The following SUGCT variants were observed in gnomAD, a reference collection of about 807,000 sequenced individuals.
SUGCT encodes succinyl-CoA:glutarate-CoA transferase, also known as succinyl-CoA:glutarate CoA-transferase.
SUGCT carries 41 observed loss-of-function variants against 55.0 expected under a neutral mutation model. That is an observed-to-expected ratio of 0.74 (90% CI 0.58 to 0.97). The LOEUF (loss-of-function observed/expected upper bound fraction) is 0.97. Among genes scored for constraint, SUGCT ranks in the 50% least tolerant of loss-of-function variants. SUGCT has a pLI of 0.00. For synonymous variants in SUGCT, 187 were observed against 200.4 expected, an observed-to-expected ratio of 0.93 and a Z score of 0.56; for missense variants, 568 against 547.8, an observed-to-expected ratio of 1.04 and a Z score of -0.37.
At chr7:40,230,820 C>A (rs761540567) in intron 6 of SUGCT, among the ~76,000 whole-genome samples, 1 of 152,086 alleles carries the variant, frequency 6.6e-6, no homozygotes. Context: ...TATTTAAGGA[C>A]CCAGACTTGG....
intron 9 of SUGCT, among the ~76,000 whole-genome samples, chr7:40,349,737 A>T (rs192660810): frequency 6.6e-6 from 1 of 152,304 alleles, no homozygotes; most frequent in East Asian, 1.9e-4. Flanking sequence ...CAGTGGCACG[A>T]TCATGGCTCA....
chr7:40,337,815 C>T (rs986162952), intron 9 of SUGCT, among the ~76,000 whole-genome samples: 5 of 151,892 alleles, frequency 3.3e-5, no homozygotes, highest in Admixed American at 3.3e-4. Flanking sequence ...TTATTTTGCT[C>T]ATTAGTTGAT....
chr7:40,805,896 G>C (rs1184935152), intron 13 of SUGCT, among the ~76,000 whole-genome samples: 1 of 152,176 alleles, frequency 6.6e-6, no homozygotes, highest in Non-Finnish European at 1.5e-5. Context: ...TGTGTATGTG[G>C]AATGCCATCT....
At chr7:40,899,192 C>T in the SUGCT span, among the ~76,000 whole-genome samples, 1 of 152,174 alleles carries the variant, frequency 6.6e-6, no homozygotes, top group South Asian at 2.1e-4. Context: ...AGCTCTTGAC[C>T]TTTCTGAGAA....
intron 9 of SUGCT, among the ~76,000 whole-genome samples, chr7:40,431,626 A>C (rs1562772038): frequency 6.6e-6 from 1 of 151,970 alleles, no homozygotes; most frequent in African/African-American, 2.4e-5. Context: ...GTATTTTATA[A>C]TTTTCAGTGT....
At chr7:40,898,718 T>C in the SUGCT span, among the ~76,000 whole-genome samples, 1 of 151,780 alleles carries the variant, frequency 6.6e-6, no homozygotes, top group African/African-American at 2.4e-5. Context: ...AATGAACACT[T>C]ACCACGAGGG....
At chr7:40,497,941 A>C (rs1332112199) in intron 12 of SUGCT, among the ~76,000 whole-genome samples, 1 of 152,016 alleles carries the variant, frequency 6.6e-6, no homozygotes, top group Non-Finnish European at 1.5e-5. Flanking sequence ...AATCCCACCC[A>C]CTATCTTAAA....
chr7:40,540,948 T>C lies in SUGCT; in HGVS notation c.1089+44562T>C, dbSNP rs565845832. ...ATATGTAACTGTTCTCATCCACTTA[T>C]ACTTCCATTCCTTCCGTTATTTTTG... On this transcript the variant is annotated intron_variant, in intron 12 of 13. Transcript: ENST00000335693. Among the ~76,000 whole-genome samples, 14 of 152,368 alleles carry C rather than the reference T, an allele frequency of 9.2e-5. No individual in the cohort carries two copies. In the East Asian group the frequency reaches 1.9e-3, roughly 21 times the overall value.
chr7:40,283,409 G>A (rs1393306710), intron 8 of SUGCT, among the ~76,000 whole-genome samples: 1 of 151,628 alleles, frequency 6.6e-6, no homozygotes, highest in African/African-American at 2.4e-5. Flanking sequence ...TTGTATTTTT[G>A]GTAGCGACGG....
intron 9 of SUGCT, among the ~76,000 whole-genome samples, chr7:40,398,155 G>A (rs576845945): frequency 1.3e-5 from 2 of 152,224 alleles, no homozygotes; most frequent in African/African-American, 4.8e-5. Flanking sequence ...GCAGTGGCAC[G>A]ATCTCAGCAC....
rs1243008379 is a variant in SUGCT, at chr7:40,661,824, T to G, written c.1090-87610T>G. 2.6e-5 allele frequency among the ~76,000 whole-genome samples: 4 copies of G among 152,184 alleles called. No individual in the cohort carries two copies. In the South Asian group the frequency reaches 6.2e-4, roughly 24 times the overall value. ...TTCTTCTTGGTCTTCTTTGCTGGCT[T>G]CTTTTTCTCTACCATGTTTTACATG... On this transcript the variant is annotated intron_variant, in intron 12 of 13. Transcript: ENST00000335693.
intron 7 of SUGCT, among the ~76,000 whole-genome samples, chr7:40,265,798 A>G (rs1791531282): frequency 6.6e-6 from 1 of 152,186 alleles, no homozygotes; most frequent in South Asian, 2.1e-4. Context: ...TAAAAGTACA[A>G]AAATTAGCAG....
At chr7:40,444,153 G>A (rs1382522637) in intron 9 of SUGCT, among the ~76,000 whole-genome samples, 1 of 152,158 alleles carries the variant, frequency 6.6e-6, no homozygotes, top group African/African-American at 2.4e-5. Context: ...AAGTCAGGTA[G>A]CGTGATGCCT....
At chr7:40,368,272 A>AC (rs76974877) in intron 9 of SUGCT, among the ~76,000 whole-genome samples, 15,372 of 152,076 alleles carry the variant, frequency 0.1, 1,156 homozygotes, top group East Asian at 0.44. Context: ...ATCTCGGCTC[A>AC]CTGCAACCTC....
At chr7:40,749,284 A>G in intron 12 of SUGCT, 150 bp from the exon 13 acceptor site, 4 of 676,808 alleles carry the variant, frequency 5.9e-6, no homozygotes, top group Non-Finnish European at 1.0e-5. Context: ...TTTTTATGTC[A>G]AATGTTTACT....
chr7:40,584,893 CT>C (rs1797295759), intron 12 of SUGCT, among the ~76,000 whole-genome samples: 1 of 152,192 alleles, frequency 6.6e-6, no homozygotes, highest in South Asian at 2.1e-4. Context: ...TCAGGAGGAT[CT>C]CCTGACATTC....
At chr7:40,868,091 C>T in the SUGCT span, among the ~76,000 whole-genome samples, 4 of 152,048 alleles carry the variant, frequency 2.6e-5, no homozygotes, top group Admixed American at 1.3e-4. Context: ...GGATAGTCAC[C>T]ATCTATTCCT....
chr7:40,214,638 G>C (rs1011588829), intron 6 of SUGCT, among the ~76,000 whole-genome samples: 2 of 152,102 alleles, frequency 1.3e-5, no homozygotes, highest in African/African-American at 4.8e-5. Flanking sequence ...ATTATGGGCT[G>C]GGCATGGTGG....
chr7:40,387,235 C>T (rs1562737712), intron 9 of SUGCT, among the ~76,000 whole-genome samples: 1 of 152,144 alleles, frequency 6.6e-6, no homozygotes, highest in Non-Finnish European at 1.5e-5. Flanking sequence ...ACTTACCTTG[C>T]ACCCAAACGT....
Sources: gnomAD v4.1 joint callset for allele counts (sites outside exome capture counted in the v4.1 genomes callset) on GRCh38, gnomAD v4.1.1 for gene constraint, MANE v1.5 for transcripts, NCBI Gene and HGNC (gene_info 2026-07-23, HGNC 2026-07-21) for gene names.